PTPRD: variants seen among roughly 807,000 people sequenced by gnomAD.
The protein encoded by PTPRD is protein tyrosine phosphatase receptor type D.
A neutral mutation model predicts 214.5 loss-of-function variants in PTPRD; 34 were observed. That is an observed-to-expected ratio of 0.16 (90% CI 0.12 to 0.21). The LOEUF (loss-of-function observed/expected upper bound fraction) is 0.21, where lower values mean the gene tolerates loss of function less well. Ranked by LOEUF, PTPRD falls within the 10% of genes least tolerant of loss-of-function variation. The pLI is 1.00. For synonymous variants in PTPRD, 1,128 were observed against 845.7 expected (o/e 1.33, Z -5.79); for missense variants, 2,545 against 2,398.7 (o/e 1.06, Z -1.27).
chr9:8,614,249 T>C (rs1273986944), intron 14 of PTPRD, among the ~76,000 whole-genome samples: 3 of 152,156 alleles, frequency 2.0e-5, no homozygotes. Context: ...AGTCAATACT[T>C]ATGGTGATTT....
At chr9:9,991,866 ACACG>A (rs747695091) in intron 4 of PTPRD, among the ~76,000 whole-genome samples, 2 of 136,068 alleles carry the variant, frequency 1.5e-5, no homozygotes, top group African/African-American at 2.7e-5. Context: ...ACACACACAC[ACACG>A]AGTTCCAAAT....
chr9:9,293,610 G>C (rs979276635), intron 9 of PTPRD, among the ~76,000 whole-genome samples: 5 of 151,446 alleles, frequency 3.3e-5, no homozygotes, highest in African/African-American at 9.7e-5. Context: ...AGTTGACAGA[G>C]AAAAGAAATA....
chr9:8,525,110 A>G (rs753241424), intron 17 of PTPRD, 75 bp from the exon 18 acceptor site: 1 of 1,260,418 alleles, frequency 7.9e-7, no homozygotes, highest in South Asian at 1.2e-5. Context: ...TAAACCTCTT[A>G]ACAATATGAA....
chr9:8,946,133 A>G (rs1361171650), intron 11 of PTPRD, among the ~76,000 whole-genome samples: 1 of 152,218 alleles, frequency 6.6e-6, no homozygotes, highest in Non-Finnish European at 1.5e-5. Flanking sequence ...ATGGTAACCA[A>G]GAGCATTTGT....
chr9:8,951,617 G>C (rs1157570953), intron 11 of PTPRD, among the ~76,000 whole-genome samples: 1 of 151,854 alleles, frequency 6.6e-6, no homozygotes, highest in Non-Finnish European at 1.5e-5. Context: ...TGCACTGCTA[G>C]TCACCCAGTT....
intron 6 of PTPRD, among the ~76,000 whole-genome samples, chr9:9,740,744 T>A (rs914715869): frequency 1.3e-5 from 2 of 152,154 alleles, no homozygotes; most frequent in African/African-American, 4.8e-5. Context: ...TTTTTCTCAA[T>A]ACAATAACAA....
chr9:10,587,214 C>T (rs2074155178), intron 2 of PTPRD, among the ~76,000 whole-genome samples: 1 of 152,102 alleles, frequency 6.6e-6, no homozygotes, highest in East Asian at 1.9e-4. Context: ...TGTAAGGAAG[C>T]TGCAAAGAAC....
intron 14 of PTPRD, among the ~76,000 whole-genome samples, chr9:8,610,832 T>A (rs750455958): frequency 6.6e-6 from 1 of 152,200 alleles, no homozygotes; most frequent in Non-Finnish European, 1.5e-5. Context: ...CATTAAACCA[T>A]ACAACAGGAC....
rs1305821356 is a variant in PTPRD at position 9,504,642 on chromosome 9, T to C, written c.-237+70090A>G. Among the ~76,000 whole-genome samples, 3 of 151,654 alleles carry C rather than the reference T, an allele frequency of 2.0e-5. No homozygotes were observed. The South Asian group carries it at 6.2e-4, about 32-fold the overall frequency. On this transcript the variant is annotated intron_variant, in intron 8 of 45. Coordinates refer to ENST00000381196, the MANE Select transcript of PTPRD (RefSeq NM_002839.4). Reference sequence around the variant, plus strand: ...ATTTCTTTCAACATAGTACTAAAAGTCTTAGCCAGAGTAATTAGACAAGAA... The same window carrying C: ...ATTTCTTTCAACATAGTACTAAAAGCCTTAGCCAGAGTAATTAGACAAGAA...
chr9:10,530,425 C>T (rs1425544455), intron 2 of PTPRD, among the ~76,000 whole-genome samples: 1 of 152,182 alleles, frequency 6.6e-6, no homozygotes, highest in East Asian at 1.9e-4. Flanking sequence ...TACAAACTCA[C>T]TTTTGTCTTG....
At chr9:10,206,559 A>T (rs2099481624) in intron 3 of PTPRD, among the ~76,000 whole-genome samples, 1 of 152,228 alleles carries the variant, frequency 6.6e-6, no homozygotes, top group African/African-American at 2.4e-5. Flanking sequence ...TGTATCAGAT[A>T]AGGAAAGTGA....
At chr9:8,477,267 G>C (rs1438303462) in intron 30 of PTPRD, among the ~76,000 whole-genome samples, 1 of 152,012 alleles carries the variant, frequency 6.6e-6, no homozygotes, top group African/African-American at 2.4e-5. Context: ...TAAAGTAATA[G>C]AAAAATAAAT....
chr9:10,394,581 C>T (rs578042622), intron 2 of PTPRD, among the ~76,000 whole-genome samples: 1 of 151,852 alleles, frequency 6.6e-6, no homozygotes, highest in East Asian at 2.0e-4. Flanking sequence ...AAATAAATTT[C>T]CAAAACCACG....
rs183081093 is a variant in PTPRD at position 8,417,449 on chromosome 9, C to A, written c.4087-12789G>T. ...AGAAACTACTAAGAATGGTGAGAGA[C>A]CAATAACTCATGAAAAACAAGTCTA... is the stretch of plus-strand genomic sequence containing the variant. On this transcript the variant is annotated intron_variant, in intron 35 of 45. Transcript: ENST00000381196. Among the ~76,000 whole-genome samples the A allele has an allele frequency of 3.9e-5, 6 of 152,062 alleles. No homozygotes were observed. In the East Asian group the frequency reaches 9.7e-4, roughly 25 times the overall value.
chr9:10,231,981 AGAGAGAGAGT>A (rs1431393146), intron 3 of PTPRD, among the ~76,000 whole-genome samples: 58 of 102,478 alleles, frequency 5.7e-4, no homozygotes, highest in Admixed American at 3.1e-3. Context: ...AGAGAGAGAG[AGAGAGAGAGT>A]GTGTGTGTGT....
At chr9:9,481,127 A>C (rs2147099524) in intron 8 of PTPRD, among the ~76,000 whole-genome samples, 1 of 152,270 alleles carries the variant, frequency 6.6e-6, no homozygotes, top group South Asian at 2.1e-4. Context: ...TGATGATGAC[A>C]GTTAAGTGGT....
At chr9:9,825,330 GAGAAAGAGACAA>G (rs1397915164) in intron 5 of PTPRD, among the ~76,000 whole-genome samples, 1 of 151,310 alleles carries the variant, frequency 6.6e-6, no homozygotes, top group African/African-American at 2.4e-5. Flanking sequence ...GAAAGAGAGA[GAGAAAGAGACAA>G]AGAAAGAGAC....
chr9:9,292,114 A>G (rs1274266087), intron 9 of PTPRD, among the ~76,000 whole-genome samples: 1 of 151,310 alleles, frequency 6.6e-6, no homozygotes, highest in Non-Finnish European at 1.5e-5. Context: ...GCCTACTGAA[A>G]AATATAGTGA....
At position 8,832,410 on chromosome 9, in the gene PTPRD, C is replaced by CTTTTT. The variant is rs5896262; in HGVS notation, c.-103-98469_-103-98465dup. Among the ~76,000 whole-genome samples the CTTTTT allele has an allele frequency of 1.7e-3, 222 of 127,962 alleles. 61 individuals are homozygous for CTTTTT. The highest frequency in any genetic ancestry group is 3.0e-3 in the South Asian group (12 of 4,018). 83.9% of individuals were successfully genotyped at this position (127,962 alleles called of 152,430 possible). A position where few individuals can be genotyped will look rare whatever the true frequency, so the allele number is the denominator to read the frequency against. On this transcript the variant is annotated intron_variant, in intron 11 of 45. Transcript: ENST00000381196. ...TAAAGCAAGGGGCAGCTAAAATCAT[C>CTTTTT]TTTTTTTTTTTTTTTTTTTGTCAAA...
Sources: gnomAD v4.1 joint callset for allele counts (sites outside exome capture counted in the v4.1 genomes callset) on GRCh38, gnomAD v4.1.1 for gene constraint, MANE v1.5 for transcripts, NCBI Gene and HGNC (gene_info 2026-07-23, HGNC 2026-07-21) for gene names.